Variants in TOX2 observed in about 807,000 individuals in gnomAD.
TOX2 encodes TOX high mobility group box family member 2.
TOX2 carries 15 observed loss-of-function variants against 47.4 expected under a neutral mutation model. The ratio of observed to expected loss-of-function variants is 0.32; its 90% CI spans 0.21 to 0.49. The LOEUF (loss-of-function observed/expected upper bound fraction) is 0.49. Ranked by LOEUF, TOX2 falls within the 20% of genes least tolerant of loss-of-function variation. The probability of loss-of-function intolerance (pLI) is 0.99; values close to 1 mark genes in which losing one functional copy is unlikely to be tolerated. For synonymous variants in TOX2, 290 were observed against 296.6 expected, an observed-to-expected ratio of 0.98 and a Z score of 0.23; for missense variants, 622 against 673.1, an observed-to-expected ratio of 0.92 and a Z score of 0.84.
At position 44,054,407 on chromosome 20, in the gene TOX2, G is replaced by A. The variant is rs552399859; in HGVS notation, c.760G>A (p.Ala254Thr). The A allele has an allele frequency of 9.3e-6, 15 of 1,612,598 alleles. No individual in the cohort carries two copies. The highest frequency in any genetic ancestry group is 4.4e-5 in the South Asian group (4 of 90,878). The change falls in exon 5 of 9, where the codon GCA becomes ACA. Residue 254 changes from alanine (A) to threonine (T), a missense_variant. Physicochemically the swap from Ala to Thr is moderately conservative, Grantham distance 58 (BLOSUM62 0). Coordinates refer to ENST00000341197, the MANE Select transcript of TOX2 (RefSeq NM_001098797.2). ...GCCGCAGAAGCCTGTGTCGGCCTAC[G>A]CACTCTTCTTCAGAGACACTCAGGC... ...NEPQKPVSAY[A>T]LFFRDTQAAI...
intron 1 of TOX2, among the ~76,000 whole-genome samples, chr20:43,936,847 C>G (rs1240254891): frequency 6.6e-6 from 1 of 152,158 alleles, no homozygotes; most frequent in African/African-American, 2.4e-5. Flanking sequence ...CTCACGGTGC[C>G]AAGGGCATGC....
At chr20:44,046,939 T>C (rs1028715501) in intron 3 of TOX2, among the ~76,000 whole-genome samples, 4 of 152,210 alleles carry the variant, frequency 2.6e-5, no homozygotes, top group Non-Finnish European at 5.9e-5. Flanking sequence ...AAACTGATCA[T>C]ATCCTAAGCT....
At chr20:43,970,669 C>T (rs931777556) in intron 1 of TOX2, among the ~76,000 whole-genome samples, 2 of 152,202 alleles carry the variant, frequency 1.3e-5, no homozygotes, top group East Asian at 1.9e-4. Flanking sequence ...GATCAATGGC[C>T]ATGGTCACAC....
In TOX2 at chr20:43,916,713, G is replaced by T. The variant is rs2069058990; in HGVS notation, c.99+1723G>T. ...TTTTTCAAAATGTGAAGTTGGCGAG[G>T]TAGGTACCAGCCTCTGGTTTGCGGG... On this transcript the variant is annotated intron_variant, in intron 1 of 8. Transcript: ENST00000341197. The surrounding 1 kb of genome is among the most constrained non-coding windows in gnomAD (Gnocchi z 5.0). Among the ~76,000 whole-genome samples the T allele has an allele frequency of 1.3e-5, 2 of 152,218 alleles. No individual in the cohort carries two copies. The highest frequency in any genetic ancestry group is 4.1e-4 in the South Asian group (2 of 4,832).
At chr20:43,972,174 A>G (rs1600696634) in intron 1 of TOX2, among the ~76,000 whole-genome samples, 1 of 152,142 alleles carries the variant, frequency 6.6e-6, no homozygotes, top group East Asian at 1.9e-4. Context: ...TGCTTGGTCA[A>G]TTGGGGGCCA....
intron 1 of TOX2, among the ~76,000 whole-genome samples, chr20:43,964,429 T>C (rs2145439629): frequency 6.6e-6 from 1 of 152,334 alleles, no homozygotes. Flanking sequence ...TTTAGAGCTG[T>C]GTTTTATCTG....
At chr20:44,021,479 G>A (rs1218836028) in intron 3 of TOX2, among the ~76,000 whole-genome samples, 1 of 152,108 alleles carries the variant, frequency 6.6e-6, no homozygotes, top group Non-Finnish European at 1.5e-5. Flanking sequence ...CAGACCTGAG[G>A]CCCCTGTCCC....
rs999902968 is a variant in TOX2 at position 44,067,013 on chromosome 20, C to T, written c.1484+156C>T. 1.1e-4 allele frequency among the ~76,000 whole-genome samples: 17 copies of T among 152,298 alleles called. 1 individual carries two copies. The highest frequency in any genetic ancestry group is 1.9e-4 in the East Asian group (1 of 5,176). The stretch of plus-strand genomic sequence containing the variant: ...AGGGGATCGATATCTCAGATGACAC[C>T]GCAGAGCCAGGCCCCGGAAGGACTC... On this transcript the variant is annotated intron_variant, in intron 8 of 8. Transcript: ENST00000341197.
At chr20:44,039,961 G>A (rs998134433) in intron 3 of TOX2, among the ~76,000 whole-genome samples, 1 of 152,220 alleles carries the variant, frequency 6.6e-6, no homozygotes, top group African/African-American at 2.4e-5. Context: ...GGGCCGGGGG[G>A]CAGGGTCTCC....
intron 1 of TOX2, among the ~76,000 whole-genome samples, chr20:43,959,944 A>T (rs1298998954): frequency 1.3e-5 from 2 of 152,152 alleles, no homozygotes; most frequent in Non-Finnish European, 2.9e-5. Context: ...CAGCCTTCTC[A>T]TTAGAGTGTA....
Position 43,915,000 on chromosome 20 carries a change from G to A in TOX2, c.99+10G>A, listed in dbSNP as rs904121329. On this transcript the variant is annotated intron_variant, in intron 1 of 8. Transcript: ENST00000341197. This position sits in a 1 kb window ranked among gnomAD's most constrained non-coding sequence, Gnocchi z 4.5. The stretch of plus-strand genomic sequence containing the variant: ...TTACCACGGCGGCAAGGTAGGCGGG[G>A]GCGGGCGGGGGTCCCCGGCGGGCGG... 19 of 1,239,568 alleles carry A rather than the reference G, an allele frequency of 1.5e-5. No homozygotes were observed. The highest frequency in any genetic ancestry group is 1.7e-5 in the Non-Finnish European group (17 of 990,782). The allele number at this position is 1,239,568 out of a possible 1,614,324, so 76.8% of individuals were successfully genotyped here. A position where few individuals can be genotyped will look rare whatever the true frequency, so the allele number is the denominator to read the frequency against.
chr20:44,068,943 A>T lies in TOX2; in HGVS notation c.*257A>T, dbSNP rs1054606200. 1.5e-6 allele frequency: 1 copy of T among 648,652 alleles called. No individual in the cohort carries two copies. Among genetic ancestry groups the T allele is most frequent in the African/African-American group, 1.8e-5 (1 of 55,680 alleles). 40.2% of individuals were successfully genotyped at this position (648,652 alleles called of 1,614,324 possible). ...CCTGCTTGCTCCAGGGTAACTGTGG[A>T]CCCTGTCCTCGCCCTGCGCACGGTA... On this transcript the variant is annotated 3_prime_UTR_variant, in exon 9 of 9. Coordinates refer to ENST00000341197, the MANE Select transcript of TOX2 (RefSeq NM_001098797.2).
At chr20:44,043,399 C>A (rs145444036) in intron 3 of TOX2, among the ~76,000 whole-genome samples, 1 of 152,192 alleles carries the variant, frequency 6.6e-6, no homozygotes, top group Non-Finnish European at 1.5e-5. Flanking sequence ...AAAGAAATAA[C>A]CACTATTCTG....
In TOX2 at chr20:44,068,077, G is replaced by A. The variant is rs184940260; in HGVS notation, c.1485-573G>A. On this transcript the variant is annotated intron_variant, in intron 8 of 8. Coordinates refer to ENST00000341197, the MANE Select transcript of TOX2 (RefSeq NM_001098797.2). Reference sequence around the variant, plus strand: ...CATGCCTGAAGTGAGATTCTACATGGGTGGGTGGACTCAGCTCAGCAAGAA... The same window carrying A: ...CATGCCTGAAGTGAGATTCTACATGAGTGGGTGGACTCAGCTCAGCAAGAA... Among the ~76,000 whole-genome samples, 496 of 152,156 alleles carry A rather than the reference G, an allele frequency of 3.3e-3. 3 individuals carry two copies. Among genetic ancestry groups the A allele is most frequent in the Non-Finnish European group, 5.7e-3 (385 of 67,980 alleles).
intron 7 of TOX2, 141 bp from the exon 8 acceptor site, chr20:44,066,589 G>A (rs1208000121): frequency 1.5e-6 from 2 of 1,303,826 alleles, no homozygotes. Flanking sequence ...GTGCTCTACT[G>A]GGAGCAAGGC....
intron 3 of TOX2, among the ~76,000 whole-genome samples, chr20:44,012,300 C>T (rs1427181912): frequency 1.3e-5 from 2 of 152,324 alleles, no homozygotes; most frequent in East Asian, 3.9e-4. Flanking sequence ...AGAGGAATTA[C>T]CCTGGGAGAT....
At chr20:44,039,285 C>A in intron 3 of TOX2, 1 of 1,289,366 alleles carries the variant, frequency 7.8e-7, no homozygotes. Flanking sequence ...GAGAGAAGCC[C>A]ACATGTCCCC....
chr20:44,025,876 G>A (rs2071053488), intron 3 of TOX2, among the ~76,000 whole-genome samples: 3 of 151,932 alleles, frequency 2.0e-5, no homozygotes, highest in South Asian at 2.1e-4. Flanking sequence ...CCATCATAGC[G>A]CCTGCCTCAG....
chr20:43,917,077 G>A (rs889144350), intron 1 of TOX2, among the ~76,000 whole-genome samples: 6 of 152,170 alleles, frequency 3.9e-5, no homozygotes, highest in Non-Finnish European at 8.8e-5. Flanking sequence ...TGGGGGTGGG[G>A]ATGCAGCTGA....
Sources: allele counts gnomAD v4.1 joint callset (sites outside exome capture counted in the v4.1 genomes callset), GRCh38; gene constraint gnomAD v4.1.1; non-coding constraint Gnocchi (gnomAD v3.1); transcripts MANE v1.5; gene names NCBI Gene and HGNC (gene_info 2026-07-23, HGNC 2026-07-21).